The following IL17RE variants were observed in gnomAD, a reference collection of about 807,000 sequenced individuals.
IL17RE encodes the protein interleukin-17 receptor E.
Under a neutral mutation model 70.7 loss-of-function variants are expected in IL17RE, and 47 were observed. The observed-to-expected ratio is 0.67, with a 90% confidence interval of 0.53 to 0.85. IL17RE has a LOEUF of 0.85. IL17RE is among the 40% of genes least tolerant of loss of function. The pLI, the probability that IL17RE is intolerant of heterozygous loss-of-function variation, is 0.00. For synonymous variants in IL17RE, 372 were observed against 381.2 expected (o/e 0.98, Z 0.28); for missense variants, 850 against 893.9 (o/e 0.95, Z 0.63).
At position 9,908,398 on chromosome 3, in the gene IL17RE, G is replaced by A. The variant is rs2082810596; in HGVS notation, c.735+91G>A. On this transcript the variant is annotated intron_variant, in intron 7 of 15. Coordinates refer to ENST00000383814, the MANE Select transcript of IL17RE (RefSeq NM_153480.2). Reference sequence around the variant, plus strand: ...GGTCAAGTATATCTCCAGTAAATTGGGTTTAAAAAGACTGAGTGTTACTGG... The same window carrying A: ...GGTCAAGTATATCTCCAGTAAATTGAGTTTAAAAAGACTGAGTGTTACTGG... 12 of 1,107,116 alleles carry A rather than the reference G, an allele frequency of 1.1e-5. No homozygotes were observed. In the South Asian group the frequency reaches 1.6e-4, roughly 14 times the overall value. 68.6% of individuals were successfully genotyped at this position (1,107,116 alleles called of 1,614,324 possible). A position where few individuals can be genotyped will look rare whatever the true frequency, so the allele number is the denominator to read the frequency against.
rs1459093160 is a variant in IL17RE, at chr3:9,906,377, C to T, written c.282C>T (p.Gly94=). The T allele has an allele frequency of 6.2e-7, 1 of 1,613,314 alleles. No individual in the cohort carries two copies. The highest frequency in any genetic ancestry group is 8.5e-7 in the Non-Finnish European group (1 of 1,179,366). ...LLSGGSGLQR[G]LFHLLVQKSK... ...TCCCCTGCACAGGTCTTCAACGGGG[C>T]CTCTTCCACCTCCTGGTGCAGAAAT... The change falls in exon 4 of 16, where the codon GGC becomes GGT. Residue 94 remains glycine, a synonymous_variant. Transcript: ENST00000383814.
rs912494393 is a variant in IL17RE, at chr3:9,915,205, C to T, written c.1448-46C>T. ...AGAGGGTGGGGAGAAGAGGGCTGAG[C>T]AGTCCCTCAGCCGCCCAGCCTTCAT... On this transcript the variant is annotated intron_variant, in intron 15 of 15. Coordinates refer to ENST00000383814, the MANE Select transcript of IL17RE (RefSeq NM_153480.2). This position sits in a 1 kb window ranked among gnomAD's most constrained non-coding sequence, Gnocchi z 4.9. The T allele has an allele frequency of 7.3e-7, 1 of 1,365,642 alleles. No homozygotes were observed. Among genetic ancestry groups the T allele is most frequent in the South Asian group, 1.8e-5 (1 of 56,824 alleles). The allele number at this position is 1,365,642 out of a possible 1,614,324, so 84.6% of individuals were successfully genotyped here. A position where few individuals can be genotyped will look rare whatever the true frequency, so the allele number is the denominator to read the frequency against.
chr3:9,914,863 C>T, intron 15 of IL17RE, 86 bp downstream of exon 15: 1 of 1,089,670 alleles, frequency 9.2e-7, no homozygotes, highest in Non-Finnish European at 1.4e-6. Flanking sequence ...TCTGAGCTCT[C>T]AGCACTGCAC....
intron 3 of IL17RE, among the ~76,000 whole-genome samples, chr3:9,905,271 C>A (rs529290630): frequency 2.0e-5 from 3 of 151,694 alleles, no homozygotes; most frequent in Admixed American, 6.6e-5. Context: ...GCCTGGCCAA[C>A]ATGGTGAAAC....
At chr3:9,909,010 G>GC (rs771830803) in intron 7 of IL17RE, among the ~76,000 whole-genome samples, 1 of 152,092 alleles carries the variant, frequency 6.6e-6, no homozygotes, top group East Asian at 1.9e-4. Flanking sequence ...AGAGGAGTTA[G>GC]CCCCTCACTT....
intron 8 of IL17RE, chr3:9,910,480 C>A: frequency 4.9e-6 from 1 of 205,682 alleles, no homozygotes; most frequent in Non-Finnish European, 9.9e-6. Context: ...GGTCAGGAGT[C>A]CACGAGGTCA....
At chr3:9,912,237 C>G (rs1378221422) in intron 12 of IL17RE, among the ~76,000 whole-genome samples, 1 of 152,132 alleles carries the variant, frequency 6.6e-6, no homozygotes, top group African/African-American at 2.4e-5. Flanking sequence ...AAACCATTCC[C>G]CCAAACCCCA....
chr3:9,909,374 C>CACACA (rs60406150), intron 8 of IL17RE, 91 bp downstream of exon 8: 29 of 1,109,172 alleles, frequency 2.6e-5, no homozygotes, highest in African/African-American at 1.5e-4. Context: ...CACACACACA[C>CACACA]CCCGCACTTC....
chr3:9,906,499 C>T (rs2082760784), intron 4 of IL17RE, 38 bp downstream of exon 4: 1 of 1,497,688 alleles, frequency 6.7e-7, no homozygotes, highest in Non-Finnish European at 9.3e-7. Context: ...CCTGACGCCC[C>T]ACAGACCTTT....
At chr3:9,905,934 C>G (rs901610450) in intron 3 of IL17RE, among the ~76,000 whole-genome samples, 1 of 152,150 alleles carries the variant, frequency 6.6e-6, no homozygotes, top group African/African-American at 2.4e-5. Flanking sequence ...ATTAAAGAAG[C>G]TTGACATCCT....
At chr3:9,906,932 C>G in intron 5 of IL17RE, 29 bp from the exon 6 acceptor site, 2 of 1,614,116 alleles carry the variant, frequency 1.2e-6, no homozygotes, top group Non-Finnish European at 1.7e-6. Flanking sequence ...GGCCAAGAGA[C>G]AAGGCCACTG....
At chr3:9,911,328 AC>A in intron 11 of IL17RE, 28 bp downstream of exon 11, 2 of 1,613,150 alleles carry the variant, frequency 1.2e-6, no homozygotes, top group Non-Finnish European at 8.5e-7. Flanking sequence ...CTCTGCTGGG[AC>A]CCCCTGCCCC....
intron 15 of IL17RE, 39 bp downstream of exon 15, chr3:9,914,816 C>T: frequency 6.5e-7 from 1 of 1,546,510 alleles, no homozygotes; most frequent in Non-Finnish European, 8.9e-7. Flanking sequence ...TCAGACCTGC[C>T]CAGCTCGGAG....
In IL17RE at chr3:9,911,570, G is replaced by C. The variant is rs1175767964; in HGVS notation, c.1200G>C (p.Leu400Phe). Residue 400 changes from leucine (L) to phenylalanine (F), a missense_variant, in exon 12 of 16, where the codon TTG (leucine) becomes TTC (phenylalanine). Physicochemically the swap from Leu to Phe is conservative, Grantham distance 22. Transcript: ENST00000383814. Reference protein sequence around the residue: ...WSLPGLGQDTLVPPVYTVSQA... With the variant: ...WSLPGLGQDTFVPPVYTVSQA... ...TCCCAGGCTTGGGGCAGGACACTTT[G>C]GTGCCCCCCGTGTACACTGTCAGCC... The C allele has an allele frequency of 6.2e-6, 10 of 1,614,040 alleles. No individual in the cohort carries two copies. Among genetic ancestry groups the C allele is most frequent in the Non-Finnish European group, 8.5e-6 (10 of 1,179,916 alleles).
intron 12 of IL17RE, 149 bp downstream of exon 12, chr3:9,911,746 G>C: frequency 4.2e-6 from 3 of 717,888 alleles, no homozygotes; most frequent in Non-Finnish European, 6.7e-6. Flanking sequence ...ATCAGCCTCT[G>C]TTCAGCTAAC....
rs1028549791 is a variant in IL17RE at position 9,915,895 on chromosome 3, T to G, written c.*88T>G. 5.0e-6 allele frequency: 7 copies of G among 1,389,692 alleles called. No individual in the cohort carries two copies. In the African/African-American group the frequency reaches 1.1e-4, roughly 21 times the overall value. The allele number at this position is 1,389,692 out of a possible 1,614,324, so 86.1% of individuals were successfully genotyped here. ...CCGGAATGAGCCTTCGACCCTGAAA[T>G]CCTTGGGGTGCCTCGAGGACGACTG... On this transcript the variant is annotated 3_prime_UTR_variant, in exon 16 of 16. Transcript: ENST00000383814. The surrounding 1 kb of genome is among the most constrained non-coding windows in gnomAD (Gnocchi z 4.9).
Position 9,911,423 on chromosome 3 carries a change from C to G in IL17RE, c.1073-20C>G, listed in dbSNP as rs768296557. On this transcript the variant is annotated intron_variant, in intron 11 of 15. Coordinates refer to ENST00000383814, the MANE Select transcript of IL17RE (RefSeq NM_153480.2). The stretch of plus-strand genomic sequence containing the variant: ...CCCAAAGCCCAACTCCTATCAACAC[C>G]CCCACCCCGCCCCAAACAGGGTCTC... 2 of 1,613,368 alleles carry G rather than the reference C, an allele frequency of 1.2e-6. No homozygotes were observed. Among genetic ancestry groups the G allele is most frequent in the Non-Finnish European group, 1.7e-6 (2 of 1,179,536 alleles).
Position 9,915,735 on chromosome 3 carries a change from G to A in IL17RE, c.1932G>A (p.Gln644=). 1 of 1,460,120 alleles carries A rather than the reference G, an allele frequency of 6.8e-7. No homozygotes were observed. The highest frequency in any genetic ancestry group is 8.9e-7 in the Non-Finnish European group (1 of 1,119,418). 90.4% of individuals were successfully genotyped at this position (1,460,120 alleles called of 1,614,324 possible). A position where few individuals can be genotyped will look rare whatever the true frequency, so the allele number is the denominator to read the frequency against. Reference sequence around the variant, plus strand: ...GCTGGGGCCGCCTTGGGGCGCGGCAGCGCAGGCAGAGCCGCCTAGAGCTGT... The same window carrying A: ...GCTGGGGCCGCCTTGGGGCGCGGCAACGCAGGCAGAGCCGCCTAGAGCTGT... ...ATSWGRLGAR[Q]RRQSRLELCS... is the part of the protein sequence containing the mutation. Residue 644 remains glutamine, a synonymous_variant, in exon 16 of 16, where the codon CAG becomes CAA. Coordinates refer to ENST00000383814, the MANE Select transcript of IL17RE (RefSeq NM_153480.2). The surrounding 1 kb of genome is among the most constrained non-coding windows in gnomAD (Gnocchi z 4.9).
chr3:9,914,919 C>G, intron 15 of IL17RE, 142 bp downstream of exon 15: 1 of 750,002 alleles, frequency 1.3e-6, no homozygotes, highest in South Asian at 1.7e-5. Context: ...CCCAAGTGAG[C>G]AGGAATGGTT....
Sources: gnomAD v4.1 joint callset for allele counts (sites outside exome capture counted in the v4.1 genomes callset) on GRCh38, gnomAD v4.1.1 for gene constraint, Gnocchi (gnomAD v3.1) non-coding constraint, MANE v1.5 for transcripts, NCBI Gene and HGNC (gene_info 2026-07-23, HGNC 2026-07-21) for gene names.